The following EFR3B variants were observed in gnomAD, a reference collection of about 807,000 sequenced individuals.
EFR3B encodes protein EFR3 homolog B.
Under a neutral mutation model 104.7 loss-of-function variants are expected in EFR3B, and 64 were observed. That is an observed-to-expected ratio of 0.61 (90% confidence interval 0.50 to 0.75). The LOEUF (loss-of-function observed/expected upper bound fraction) is 0.75, where lower values mean the gene tolerates loss of function less well. Among genes scored for constraint, EFR3B ranks in the 30% least tolerant of loss-of-function variants. The probability of loss-of-function intolerance (pLI) is 0.00; values close to 1 mark genes in which losing one functional copy is unlikely to be tolerated. For missense variants in EFR3B, 750 were observed against 1,078.5 expected, an observed-to-expected ratio of 0.70 and a Z score of 4.27; for synonymous variants, 385 against 417.9, an observed-to-expected ratio of 0.92 and a Z score of 0.96.
chr2:25,077,717 GAACA>G (rs1253797266), intron 1 of EFR3B, among the ~76,000 whole-genome samples: 2 of 152,172 alleles, frequency 1.3e-5, no homozygotes, highest in Non-Finnish European at 2.9e-5. Context: ...ACAAAAACTA[GAACA>G]AATACACTGA....
chr2:25,131,553 C>T lies in EFR3B; in HGVS notation c.985+50C>T, dbSNP rs1670335400. 6.5e-7 allele frequency: 1 copy of T among 1,543,256 alleles called. No homozygotes were observed. On this transcript the variant is annotated intron_variant, in intron 9 of 22. Transcript: ENST00000403714. The surrounding 1 kb of genome is among the most constrained non-coding windows in gnomAD (Gnocchi z 7.6). ...GGGCCGGGGACCCCGCGGAGGCTGC[C>T]GCCTCTTACAGAGAGAGGCAAGGGA...
chr2:25,061,323 G>T (rs144291085), intron 1 of EFR3B, among the ~76,000 whole-genome samples: 54 of 151,992 alleles, frequency 3.6e-4, no homozygotes, highest in African/African-American at 1.3e-3. Context: ...ATGTTGGCCA[G>T]GCTGGTCTTG....
intron 4 of EFR3B, among the ~76,000 whole-genome samples, chr2:25,105,552 G>A (rs1258948584): frequency 6.6e-6 from 1 of 152,234 alleles, no homozygotes; most frequent in East Asian, 1.9e-4. Flanking sequence ...CAAGGACCAA[G>A]AGTAGCAACC....
At chr2:25,091,234 T>G in intron 1 of EFR3B, 91 bp from the exon 2 acceptor site, 3 of 1,235,162 alleles carry the variant, frequency 2.4e-6, no homozygotes, top group Non-Finnish European at 3.4e-6. Context: ...GTCTGTTTCC[T>G]GCCACTCACA....
chr2:25,061,562 C>G (rs1392101390), intron 1 of EFR3B, among the ~76,000 whole-genome samples: 2 of 151,292 alleles, frequency 1.3e-5, no homozygotes, highest in Admixed American at 6.6e-5. Context: ...GGCGTGATCT[C>G]GGCTCACTGC....
rs565629542 is a variant in EFR3B, at chr2:25,136,613, C to T, written c.1560+15C>T. On this transcript the variant is annotated intron_variant, in intron 14 of 22. Coordinates refer to ENST00000403714, the MANE Select transcript of EFR3B (RefSeq NM_014971.2). This position sits in a 1 kb window ranked among gnomAD's most constrained non-coding sequence, Gnocchi z 4.0. ...TCATGAAGAAGGTAAACAAGCATGA[C>T]CTCCAGGCACAGTGAAGGGCGGGCA... 2.9e-5 allele frequency: 45 copies of T among 1,549,778 alleles called. No homozygotes were observed. Among genetic ancestry groups the T allele is most frequent in the Non-Finnish European group, 3.8e-5 (44 of 1,145,810 alleles).
intron 3 of EFR3B, among the ~76,000 whole-genome samples, chr2:25,096,362 T>G (rs1669276657): frequency 6.6e-6 from 1 of 152,158 alleles, no homozygotes; most frequent in Admixed American, 6.6e-5. Context: ...CCTCTAGCCT[T>G]TCTCCTGGTC....
intron 4 of EFR3B, among the ~76,000 whole-genome samples, chr2:25,109,563 G>T (rs1669662547): frequency 6.6e-6 from 1 of 152,160 alleles, no homozygotes; most frequent in Non-Finnish European, 1.5e-5. Context: ...ACAAATAGTT[G>T]TACACAATTG....
intron 1 of EFR3B, among the ~76,000 whole-genome samples, chr2:25,044,673 G>GC (rs1234081143): frequency 1.3e-5 from 2 of 152,050 alleles, no homozygotes; most frequent in African/African-American, 2.4e-5. Context: ...GGGCAGAGAG[G>GC]CCCCCCTATG....
intron 4 of EFR3B, among the ~76,000 whole-genome samples, chr2:25,106,465 T>TTG (rs1054772020): frequency 6.6e-6 from 1 of 150,812 alleles, no homozygotes; most frequent in African/African-American, 2.4e-5. Flanking sequence ...AATTTTTTTT[T>TTG]TTTTTTTTTT....
rs1670468841 is a variant in EFR3B, at chr2:25,134,530, C to T, written c.1312-937C>T. On this transcript the variant is annotated intron_variant, in intron 12 of 22. Transcript: ENST00000403714. ...TTCTCAGACTGAAGTTGGGAGGTCC[C>T]CAGTCCCCTCTCCCTCCCTAGACCT... 2.0e-5 allele frequency among the ~76,000 whole-genome samples: 3 copies of T among 152,108 alleles called. No individual in the cohort carries two copies. The South Asian group carries it at 6.2e-4, about 32-fold the overall frequency.
In EFR3B at chr2:25,042,251, C is replaced by G. The variant is rs1045449242; in HGVS notation, c.-62C>G. 5.4e-6 allele frequency: 7 copies of G among 1,301,988 alleles called. No homozygotes were observed. The Admixed American group carries it at 1.9e-4, about 35-fold the overall frequency. 80.7% of individuals were successfully genotyped at this position (1,301,988 alleles called of 1,614,324 possible). ...ACTGTGAATGAAAGGCGGGCGCCGC[C>G]GAGGGCTGGCTGGGAACGCCGCAGC... is the stretch of plus-strand genomic sequence containing the variant. On this transcript the variant is annotated 5_prime_UTR_variant, in exon 1 of 23. Coordinates refer to ENST00000403714, the MANE Select transcript of EFR3B (RefSeq NM_014971.2). The surrounding 1 kb of genome is among the most constrained non-coding windows in gnomAD (Gnocchi z 5.4).
At chr2:25,086,849 T>C in intron 1 of EFR3B, among the ~76,000 whole-genome samples, 1 of 152,188 alleles carries the variant, frequency 6.6e-6, no homozygotes, top group African/African-American at 2.4e-5. Context: ...CGCCTCAGCC[T>C]CCCAAAGTGC....
At chr2:25,045,409 G>C (rs928260810) in intron 1 of EFR3B, among the ~76,000 whole-genome samples, 1 of 152,184 alleles carries the variant, frequency 6.6e-6, no homozygotes, top group African/African-American at 2.4e-5. Flanking sequence ...AAAAATGAAA[G>C]CATTTTTACT....
intron 4 of EFR3B, among the ~76,000 whole-genome samples, chr2:25,113,409 G>T (rs1211694446): frequency 6.6e-6 from 1 of 152,080 alleles, no homozygotes; most frequent in African/African-American, 2.4e-5. Flanking sequence ...GACCAGGCCG[G>T]GCGCGGGGGC....
chr2:25,053,417 A>G (rs928889830), intron 1 of EFR3B, among the ~76,000 whole-genome samples: 1 of 152,190 alleles, frequency 6.6e-6, no homozygotes, highest in Admixed American at 6.5e-5. Flanking sequence ...AAGCATGGGC[A>G]TGCCTTTCAG....
intron 1 of EFR3B, among the ~76,000 whole-genome samples, chr2:25,075,189 T>G (rs1250210099): frequency 6.6e-6 from 1 of 152,218 alleles, no homozygotes; most frequent in African/African-American, 2.4e-5. Flanking sequence ...TATCCCCACC[T>G]GGCATATTTA....
chr2:25,087,369 A>G (rs924600295), intron 1 of EFR3B, among the ~76,000 whole-genome samples: 3 of 151,662 alleles, frequency 2.0e-5, no homozygotes, highest in Admixed American at 6.6e-5. Context: ...ATGTATATAT[A>G]TATATATATA....
At chr2:25,091,905 G>A (rs1669136507) in intron 2 of EFR3B, among the ~76,000 whole-genome samples, 1 of 152,078 alleles carries the variant, frequency 6.6e-6, no homozygotes, top group Admixed American at 6.5e-5. Flanking sequence ...GCTGCTTTGT[G>A]GGTCGTGGGC....
Sources: allele counts gnomAD v4.1 joint callset (sites outside exome capture counted in the v4.1 genomes callset), GRCh38; gene constraint gnomAD v4.1.1; non-coding constraint Gnocchi (gnomAD v3.1); transcripts MANE v1.5; gene names NCBI Gene and HGNC (gene_info 2026-07-23, HGNC 2026-07-21).